Variants in MBNL1 observed in about 807,000 individuals in gnomAD.
The protein encoded by MBNL1 is muscleblind like splicing regulator 1, also known as muscleblind-like protein 1.
Under a neutral mutation model 42.2 loss-of-function variants are expected in MBNL1, and 8 were observed. That is an observed-to-expected ratio of 0.19 (90% CI 0.11 to 0.34). The LOEUF is 0.34. MBNL1 is among the 10% of genes least tolerant of loss of function. The probability of loss-of-function intolerance (pLI) is 1.00; values close to 1 mark genes in which losing one functional copy is unlikely to be tolerated. For missense variants in MBNL1, 309 were observed against 495.3 expected (o/e 0.62, Z 3.57); for synonymous variants, 169 against 173.9 (o/e 0.97, Z 0.22).
chr3:152,378,940 T>C (rs986837996), intron 2 of MBNL1, among the ~76,000 whole-genome samples: 1 of 152,060 alleles, frequency 6.6e-6, no homozygotes, highest in Admixed American at 6.6e-5. Flanking sequence ...GGTCTCACAC[T>C]CCTGGGCTTA....
chr3:152,368,861 G>C (rs2096541782), intron 2 of MBNL1, among the ~76,000 whole-genome samples: 3 of 152,198 alleles, frequency 2.0e-5, no homozygotes, highest in Admixed American at 2.0e-4. Flanking sequence ...CATTGATTTT[G>C]TATCCTGAGA....
At chr3:152,302,504 G>GTA (rs1560057692) in intron 2 of MBNL1, 2 of 152,130 alleles carry the variant, frequency 1.3e-5, no homozygotes, top group Admixed American at 6.5e-5. Flanking sequence ...ACGTGTGTGT[G>GTA]TATATATTTA....
At chr3:152,407,963 C>A (rs1405507955) in intron 2 of MBNL1, among the ~76,000 whole-genome samples, 2 of 152,098 alleles carry the variant, frequency 1.3e-5, no homozygotes, top group African/African-American at 4.8e-5. Context: ...ACAACATACA[C>A]TGGAGTTTGT....
intron 5 of MBNL1, among the ~76,000 whole-genome samples, chr3:152,446,914 A>G (rs1172644181): frequency 4.6e-5 from 7 of 152,172 alleles, no homozygotes; most frequent in African/African-American, 1.7e-4. Flanking sequence ...AAATTAGTAG[A>G]AAGACTATAA....
At chr3:152,380,608 G>C (rs1045225220) in intron 2 of MBNL1, among the ~76,000 whole-genome samples, 1 of 152,052 alleles carries the variant, frequency 6.6e-6, no homozygotes, top group Non-Finnish European at 1.5e-5. Flanking sequence ...CTCAGAGTAT[G>C]AGCTGAAAAG....
intron 2 of MBNL1, among the ~76,000 whole-genome samples, chr3:152,373,476 A>G (rs2096767752): frequency 6.6e-6 from 1 of 152,026 alleles, no homozygotes; most frequent in African/African-American, 2.4e-5. Flanking sequence ...TGTGGGTTGT[A>G]AAGACCATGG....
intron 2 of MBNL1, among the ~76,000 whole-genome samples, chr3:152,257,122 A>G (rs904955289): frequency 1.3e-5 from 2 of 152,192 alleles, no homozygotes; most frequent in Admixed American, 6.5e-5. Flanking sequence ...GGATTATTGC[A>G]GAGTGTGAGG....
At chr3:152,269,906 C>CCT (rs2039806522) in intron 1 of MBNL1, 2 of 136,502 alleles carry the variant, frequency 1.5e-5, no homozygotes, top group African/African-American at 5.5e-5. Flanking sequence ...AATATGTAGC[C>CCT]ACCCCCCAAC....
At position 152,421,613 on chromosome 3, in the gene MBNL1, C is replaced by T. The variant is rs1025319291; in HGVS notation, c.345+6502C>T. 4.6e-5 allele frequency among the ~76,000 whole-genome samples: 7 copies of T among 152,056 alleles called. No homozygotes were observed. The East Asian group carries it at 5.8e-4, about 13-fold the overall frequency. On this transcript the variant is annotated intron_variant, in intron 3 of 9. Transcript: ENST00000324210. ...CAGAGAACGACACAAATATACTCCTCGAGAAGAGCAACCCCAAGACATATA... is the reference window on the plus strand; with the variant it reads ...CAGAGAACGACACAAATATACTCCTTGAGAAGAGCAACCCCAAGACATATA...
intron 4 of MBNL1, among the ~76,000 whole-genome samples, chr3:152,443,089 T>C (rs2099164813): frequency 6.6e-6 from 1 of 152,090 alleles, no homozygotes; most frequent in Non-Finnish European, 1.5e-5. Context: ...AGTTATTAAG[T>C]CTGCTTAAAT....
At chr3:152,265,122 G>A (rs1370267915), upstream of MBNL1, 3 of 152,144 alleles carry the variant, frequency 2.0e-5, no homozygotes, top group Non-Finnish European at 4.4e-5. Context: ...ACCCTGTTGT[G>A]AAGTTTAATG....
chr3:152,361,533 A>G (rs2095954669), intron 2 of MBNL1, among the ~76,000 whole-genome samples: 2 of 151,526 alleles, frequency 1.3e-5, no homozygotes, highest in African/African-American at 4.9e-5. Flanking sequence ...ATACAATGGG[A>G]GGGGCAAATG....
chr3:152,335,308 G>T, intron 2 of MBNL1: 1 of 1,250,606 alleles, frequency 8.0e-7, no homozygotes, highest in Non-Finnish European at 1.0e-6. Context: ...GGCCTGAGAT[G>T]ACATCCATGG....
At chr3:152,429,724 AAAC>A (rs2098981216) in intron 3 of MBNL1, among the ~76,000 whole-genome samples, 1 of 152,130 alleles carries the variant, frequency 6.6e-6, no homozygotes, top group Admixed American at 6.6e-5. Context: ...CTCCTTGAAA[AAAC>A]AATATAACTA....
intron 2 of MBNL1, among the ~76,000 whole-genome samples, chr3:152,303,378 C>T (rs1320704948): frequency 6.6e-6 from 1 of 152,046 alleles, no homozygotes; most frequent in Non-Finnish European, 1.5e-5. Flanking sequence ...TTTACAATTG[C>T]AGTTTTAATT....
chr3:152,332,735 T>TGC (rs548290388), intron 2 of MBNL1, among the ~76,000 whole-genome samples: 1,459 of 119,682 alleles, frequency 0.012, 20 homozygotes, highest in East Asian at 0.029. Context: ...TGTGTGTGTG[T>TGC]GTGTGCGCGC....
chr3:152,420,889 T>G (rs770203504), intron 3 of MBNL1, among the ~76,000 whole-genome samples: 34 of 152,172 alleles, frequency 2.2e-4, no homozygotes, highest in Non-Finnish European at 4.4e-4. Context: ...TTACAGGAAC[T>G]GCTAACTGAA....
chr3:152,415,433 T>G (rs1363129567), intron 3 of MBNL1, among the ~76,000 whole-genome samples: 2 of 152,234 alleles, frequency 1.3e-5, no homozygotes, highest in African/African-American at 2.4e-5. Context: ...GTATAGTCAA[T>G]ATACATTTTC....
chr3:152,419,540 C>T (rs939628135), intron 3 of MBNL1, among the ~76,000 whole-genome samples: 1 of 152,164 alleles, frequency 6.6e-6, no homozygotes, highest in Non-Finnish European at 1.5e-5. Context: ...TGGTGCTGTC[C>T]AGCCCAGATA....
Sources: allele counts gnomAD v4.1 joint callset (sites outside exome capture counted in the v4.1 genomes callset), GRCh38; gene constraint gnomAD v4.1.1; transcripts MANE v1.5; gene names NCBI Gene and HGNC (gene_info 2026-07-23, HGNC 2026-07-21).